The following DPYD variants were observed in gnomAD, a reference collection of about 807,000 sequenced individuals.
The protein encoded by DPYD is dihydropyrimidine dehydrogenase [NADP(+)].
DPYD carries 109 observed loss-of-function variants against 116.2 expected under a neutral mutation model. The ratio of observed to expected loss-of-function variants is 0.94; its 90% CI spans 0.80 to 1.10. The LOEUF is 1.10. DPYD is among the 50% of genes least tolerant of loss of function. The pLI is 0.00. For synonymous variants in DPYD, 440 were observed against 432.0 expected (o/e 1.02, Z -0.23); for missense variants, 1,302 against 1,254.5 (o/e 1.04, Z -0.57).
chr1:97,798,893 A>G (rs969040460), intron 3 of DPYD, among the ~76,000 whole-genome samples: 1 of 151,992 alleles, frequency 6.6e-6, no homozygotes, highest in Non-Finnish European at 1.5e-5. Context: ...GTATTGAAAA[A>G]AGAATAGGCA....
At chr1:97,825,237 C>A (rs1226070794) in intron 3 of DPYD, among the ~76,000 whole-genome samples, 1 of 151,968 alleles carries the variant, frequency 6.6e-6, no homozygotes, top group Non-Finnish European at 1.5e-5. Context: ...TGACAAGAAA[C>A]CAGATTCAAG....
At chr1:97,910,769 T>C (rs1226622318) in intron 1 of DPYD, among the ~76,000 whole-genome samples, 1 of 152,104 alleles carries the variant, frequency 6.6e-6, no homozygotes, top group Non-Finnish European at 1.5e-5. Flanking sequence ...ATCAGTCTAC[T>C]GCTGTTTCTG....
intron 16 of DPYD, among the ~76,000 whole-genome samples, chr1:97,330,326 C>G (rs1434034744): frequency 6.6e-6 from 1 of 152,106 alleles, no homozygotes; most frequent in African/African-American, 2.4e-5. Context: ...TAATTAATAT[C>G]CAAACTTGCA....
intron 20 of DPYD, among the ~76,000 whole-genome samples, chr1:97,157,650 G>A (rs1173006133): frequency 6.6e-6 from 1 of 152,060 alleles, no homozygotes; most frequent in Non-Finnish European, 1.5e-5. Context: ...AAGGAGGCTT[G>A]AAATTTCTCT....
At chr1:97,470,459 C>T (rs991789866) in intron 13 of DPYD, among the ~76,000 whole-genome samples, 5 of 151,940 alleles carry the variant, frequency 3.3e-5, no homozygotes, top group South Asian at 2.1e-4. Context: ...ATTATGATTT[C>T]GTGGTCTTCC....
intron 4 of DPYD, among the ~76,000 whole-genome samples, chr1:97,735,392 G>C (rs564061215): frequency 8.6e-5 from 13 of 151,764 alleles, no homozygotes; most frequent in African/African-American, 3.1e-4. Context: ...AGAAATAAAA[G>C]GCGGCCAGGT....
intron 8 of DPYD, among the ~76,000 whole-genome samples, chr1:97,651,887 T>C (rs1658603774): frequency 6.6e-6 from 1 of 152,168 alleles, no homozygotes; most frequent in Admixed American, 6.5e-5. Flanking sequence ...TTCAGAGATA[T>C]ATTTTTTAAT....
chr1:97,204,234 T>C (rs1057005890), intron 19 of DPYD, among the ~76,000 whole-genome samples: 2 of 152,152 alleles, frequency 1.3e-5, no homozygotes, highest in African/African-American at 4.8e-5. Context: ...ATCCCTTTAC[T>C]GTGTATATGG....
intron 20 of DPYD, among the ~76,000 whole-genome samples, chr1:97,128,943 C>T (rs996544321): frequency 2.6e-5 from 4 of 152,042 alleles, no homozygotes; most frequent in Admixed American, 2.0e-4. Context: ...ATTTTTCTGT[C>T]CTCTCCCACT....
chr1:97,696,609 A>G (rs554603088), intron 6 of DPYD, among the ~76,000 whole-genome samples: 3 of 149,742 alleles, frequency 2.0e-5, no homozygotes, highest in African/African-American at 4.9e-5. Context: ...TAAGGCTTTG[A>G]AAAAAAAAAA....
chr1:97,814,749 CA>C (rs1668494657), intron 3 of DPYD, among the ~76,000 whole-genome samples: 1 of 151,792 alleles, frequency 6.6e-6, no homozygotes, highest in African/African-American at 2.4e-5. Flanking sequence ...ACTAAAAATA[CA>C]AAAACTATCC....
intron 3 of DPYD, among the ~76,000 whole-genome samples, chr1:97,747,528 C>T (rs1235894924): frequency 1.3e-5 from 2 of 152,120 alleles, no homozygotes; most frequent in African/African-American, 4.8e-5. Context: ...TCAGAGTTTC[C>T]TCTGTCTTGT....
rs561880800 is a variant in DPYD at position 97,301,622 on chromosome 1, G to A, written c.2299+3637C>T. Among the ~76,000 whole-genome samples the A allele has an allele frequency of 7.9e-5, 12 of 152,026 alleles. 1 individual carries two copies. Among genetic ancestry groups the A allele is most frequent in the Middle Eastern group, 6.8e-3 (2 of 294 alleles). Reference sequence around the variant, plus strand: ...AGTTAAAAACACAAGGAACAACAACGAAAACTTCAAATGAATTCACCCCAT... The same window carrying A: ...AGTTAAAAACACAAGGAACAACAACAAAAACTTCAAATGAATTCACCCCAT... On this transcript the variant is annotated intron_variant, in intron 18 of 22. Transcript: ENST00000370192.
intron 2 of DPYD, among the ~76,000 whole-genome samples, chr1:97,836,674 G>C (rs1050151818): frequency 7.2e-5 from 11 of 151,950 alleles, no homozygotes; most frequent in African/African-American, 2.7e-4. Flanking sequence ...ACAATGGAGT[G>C]GGTCAGTTCA....
At chr1:97,683,415 AT>A (rs1452350650) in intron 7 of DPYD, among the ~76,000 whole-genome samples, 1 of 151,792 alleles carries the variant, frequency 6.6e-6, no homozygotes, top group African/African-American at 2.4e-5. Flanking sequence ...TCTATTAGAT[AT>A]TTCATCTAAA....
intron 4 of DPYD, among the ~76,000 whole-genome samples, chr1:97,740,191 A>G (rs1664183907): frequency 6.6e-6 from 1 of 152,186 alleles, no homozygotes; most frequent in Non-Finnish European, 1.5e-5. Flanking sequence ...AAAACAAAAA[A>G]CAATGAACCT....
At chr1:97,448,262 C>T (rs988917716) in intron 14 of DPYD, among the ~76,000 whole-genome samples, 1 of 152,114 alleles carries the variant, frequency 6.6e-6, no homozygotes, top group African/African-American at 2.4e-5. Flanking sequence ...TAGGCAAATG[C>T]ACTGGATCAG....
At chr1:97,634,671 T>A (rs535564577) in intron 8 of DPYD, among the ~76,000 whole-genome samples, 1 of 152,150 alleles carries the variant, frequency 6.6e-6, no homozygotes, top group East Asian at 1.9e-4. Flanking sequence ...AGATGTCTTA[T>A]AAGCACCAAA....
chr1:97,322,592 C>T (rs1668362263), intron 16 of DPYD: 1 of 151,882 alleles, frequency 6.6e-6, no homozygotes, highest in African/African-American at 2.4e-5. Flanking sequence ...CTTTAGCAAT[C>T]TTGAACCTAA....
Sources: allele counts gnomAD v4.1 joint callset (sites outside exome capture counted in the v4.1 genomes callset), GRCh38; gene constraint gnomAD v4.1.1; transcripts MANE v1.5; gene names NCBI Gene and HGNC (gene_info 2026-07-23, HGNC 2026-07-21).